The following FAM135B variants were observed in gnomAD, a reference collection of about 807,000 sequenced individuals.
FAM135B encodes the protein family with sequence similarity 135 member B.
Under a neutral mutation model 127.7 loss-of-function variants are expected in FAM135B, and 43 were observed. That is an observed-to-expected ratio of 0.34 (90% CI 0.26 to 0.43). The LOEUF (loss-of-function observed/expected upper bound fraction) is 0.43. FAM135B is among the 20% of genes least tolerant of loss of function. FAM135B has a pLI of 1.00. For synonymous variants in FAM135B, 670 were observed against 665.1 expected (o/e 1.01, Z -0.11); for missense variants, 1,558 against 1,725.6 (o/e 0.90, Z 1.72).
intron 2 of FAM135B, among the ~76,000 whole-genome samples, chr8:138,360,211 G>A (rs1830335815): frequency 6.6e-6 from 1 of 152,178 alleles, no homozygotes; most frequent in Admixed American, 6.6e-5. Flanking sequence ...TGAATTCATT[G>A]TCAAGGACAA....
intron 7 of FAM135B, among the ~76,000 whole-genome samples, chr8:138,223,399 T>C (rs1819180083): frequency 6.6e-6 from 1 of 152,152 alleles, no homozygotes; most frequent in Non-Finnish European, 1.5e-5. Flanking sequence ...AGCAAAAAGA[T>C]ATTTGGGTCC....
intron 2 of FAM135B, among the ~76,000 whole-genome samples, chr8:138,358,968 G>A (rs1160227699): frequency 2.0e-5 from 3 of 151,986 alleles, no homozygotes; most frequent in African/African-American, 7.2e-5. Context: ...CTCAGCCAGG[G>A]GTTAAGAGGA....
At chr8:138,491,308 G>T (rs990379246) in intron 1 of FAM135B, among the ~76,000 whole-genome samples, 1 of 152,146 alleles carries the variant, frequency 6.6e-6, no homozygotes. Flanking sequence ...AAAGTGAACA[G>T]CAGAACTCAA....
chr8:138,185,370 T>A (rs1815452972), intron 9 of FAM135B, among the ~76,000 whole-genome samples: 1 of 152,096 alleles, frequency 6.6e-6, no homozygotes, highest in Admixed American at 6.6e-5. Context: ...TGAGATCAGC[T>A]CCTTCACAGC....
intron 7 of FAM135B, among the ~76,000 whole-genome samples, chr8:138,204,515 T>C (rs1037119243): frequency 1.3e-5 from 2 of 152,184 alleles, no homozygotes; most frequent in Non-Finnish European, 2.9e-5. Flanking sequence ...AATGAATGAA[T>C]GAGTGAGTCA....
chr8:138,300,271 A>AT (rs912510251), intron 3 of FAM135B, among the ~76,000 whole-genome samples: 5 of 151,448 alleles, frequency 3.3e-5, no homozygotes, highest in African/African-American at 4.9e-5. Context: ...ATAATTAAAA[A>AT]AAAAAATCCA....
At chr8:138,407,256 G>A (rs1260576419) in intron 1 of FAM135B, among the ~76,000 whole-genome samples, 1 of 151,392 alleles carries the variant, frequency 6.6e-6, no homozygotes, top group Non-Finnish European at 1.5e-5. Flanking sequence ...TGAAATAAAA[G>A]AGGACACAAA....
At chr8:138,309,983 C>T (rs1052094553) in intron 3 of FAM135B, among the ~76,000 whole-genome samples, 9 of 150,896 alleles carry the variant, frequency 6.0e-5, no homozygotes, top group African/African-American at 2.2e-4. Context: ...GATTCTCCTG[C>T]CTCAGCCTCC....
intron 1 of FAM135B, among the ~76,000 whole-genome samples, chr8:138,405,150 T>A (rs2131377734): frequency 6.6e-6 from 1 of 152,212 alleles, no homozygotes; most frequent in African/African-American, 2.4e-5. Flanking sequence ...AACAAATTAA[T>A]CTCCATCAGA....
chr8:138,234,157 A>C (rs1304629623), intron 7 of FAM135B, among the ~76,000 whole-genome samples: 1 of 152,196 alleles, frequency 6.6e-6, no homozygotes, highest in African/African-American at 2.4e-5. Context: ...ACTCAAATGA[A>C]TTAAACTTGT....
intron 1 of FAM135B, among the ~76,000 whole-genome samples, chr8:138,399,412 A>G (rs974494682): frequency 1.3e-5 from 2 of 152,066 alleles, no homozygotes; most frequent in Admixed American, 6.6e-5. Context: ...TCTCCCCCCA[A>G]CCATTTCCTA....
chr8:138,362,406 C>G (rs1168329105), intron 2 of FAM135B, among the ~76,000 whole-genome samples: 1 of 151,542 alleles, frequency 6.6e-6, no homozygotes, highest in African/African-American at 2.4e-5. Flanking sequence ...CGAGTCTTCA[C>G]TGACAGCCAT....
At chr8:138,257,897 T>C (rs148552336) in intron 4 of FAM135B, among the ~76,000 whole-genome samples, 54 of 147,512 alleles carry the variant, frequency 3.7e-4, no homozygotes, top group African/African-American at 6.6e-4. Context: ...AAAAAAAAAA[T>C]AAAACAAAAC....
chr8:138,328,444 AG>A (rs1285390612), intron 2 of FAM135B, among the ~76,000 whole-genome samples: 1 of 152,172 alleles, frequency 6.6e-6, no homozygotes, highest in Non-Finnish European at 1.5e-5. Context: ...CCACATGCTT[AG>A]CTTTCCAATA....
intron 7 of FAM135B, among the ~76,000 whole-genome samples, chr8:138,203,470 T>C (rs1373910512): frequency 6.6e-6 from 1 of 152,206 alleles, no homozygotes; most frequent in African/African-American, 2.4e-5. Context: ...GGTTGAGCTG[T>C]CTCTATTGCT....
chr8:138,217,478 T>G (rs969089307), intron 7 of FAM135B, among the ~76,000 whole-genome samples: 2 of 146,422 alleles, frequency 1.4e-5, no homozygotes, highest in Admixed American at 1.4e-4. Context: ...TGGTCCAGGC[T>G]GGAGTGCAGT....
intron 7 of FAM135B, among the ~76,000 whole-genome samples, chr8:138,213,729 G>A (rs1007262064): frequency 6.6e-6 from 1 of 152,094 alleles, no homozygotes; most frequent in Admixed American, 6.6e-5. Flanking sequence ...ATGGACTGGG[G>A]GGTTGTACAA....
intron 9 of FAM135B, among the ~76,000 whole-genome samples, chr8:138,180,759 C>A (rs559018627): frequency 6.6e-6 from 1 of 152,186 alleles, no homozygotes; most frequent in African/African-American, 2.4e-5. Flanking sequence ...CATCTCTGAG[C>A]TACTTCTTCC....
At chr8:138,245,412 G>T (rs796665301) in intron 6 of FAM135B, among the ~76,000 whole-genome samples, 6 of 152,212 alleles carry the variant, frequency 3.9e-5, no homozygotes, top group African/African-American at 1.2e-4. Context: ...AATCATGGGG[G>T]TGGTTACCTC....
Sources: gnomAD v4.1 joint callset for allele counts (sites outside exome capture counted in the v4.1 genomes callset) on GRCh38, gnomAD v4.1.1 for gene constraint, MANE v1.5 for transcripts, NCBI Gene and HGNC (gene_info 2026-07-23, HGNC 2026-07-21) for gene names.